The following CFLAR variants were observed in gnomAD, a reference collection of about 807,000 sequenced individuals.
CFLAR encodes the protein CASP8 and FADD like apoptosis regulator.
CFLAR carries 14 observed loss-of-function variants against 51.1 expected under a neutral mutation model. The observed-to-expected ratio is 0.27, with a 90% CI of 0.18 to 0.43. CFLAR has a LOEUF of 0.43. Among genes scored for constraint, CFLAR ranks in the 20% least tolerant of loss-of-function variants. CFLAR has a pLI of 1.00. For missense variants in CFLAR, 390 were observed against 566.5 expected (o/e 0.69, Z 3.16); for synonymous variants, 210 against 211.6 (o/e 0.99, Z 0.06).
chr2:201,153,310 C>T (rs1165923530), intron 8 of CFLAR: 1 of 152,274 alleles, frequency 6.6e-6, no homozygotes, highest in Non-Finnish European at 1.5e-5. Flanking sequence ...AATCCACTTA[C>T]ATGCAGACTC....
At position 201,129,806 on chromosome 2, in the gene CFLAR, G is replaced by A. The variant is rs1291457366; in HGVS notation, c.-60G>A. 4 of 1,514,188 alleles carry A rather than the reference G, an allele frequency of 2.6e-6. No homozygotes were observed. The African/African-American group carries it at 5.5e-5, about 21-fold the overall frequency. The allele number at this position is 1,514,188 out of a possible 1,614,324, so 93.8% of individuals were successfully genotyped here. A position where few individuals can be genotyped will look rare whatever the true frequency, so the allele number is the denominator to read the frequency against. On this transcript the variant is annotated 5_prime_UTR_variant, in exon 2 of 10. Coordinates refer to ENST00000309955, the MANE Select transcript of CFLAR (RefSeq NM_003879.7). ...GAAGTTGACTGCCTGCTGGCTTTCT[G>A]TTGACTGGCCCGGAGCTGTACTGCA...
intron 1 of CFLAR, among the ~76,000 whole-genome samples, chr2:201,127,737 T>C (rs996312569): frequency 2.0e-5 from 3 of 152,176 alleles, no homozygotes; most frequent in African/African-American, 4.8e-5. Context: ...TAGTTTCCTT[T>C]TGATATTTTC....
intron 9 of CFLAR, among the ~76,000 whole-genome samples, chr2:201,162,285 G>C (rs1265923466): frequency 6.6e-6 from 1 of 151,312 alleles, no homozygotes; most frequent in African/African-American, 2.4e-5. Context: ...TGTATTTTTA[G>C]TAGAGATGGG....
chr2:201,119,551 C>G, intron 1 of CFLAR, among the ~76,000 whole-genome samples: 1 of 151,028 alleles, frequency 6.6e-6, no homozygotes, highest in East Asian at 2.0e-4. Context: ...GTGAAAAGCA[C>G]TATCATTATT....
intron 2 of CFLAR, among the ~76,000 whole-genome samples, chr2:201,132,026 T>TTCCACCTA (rs1290226921): frequency 6.6e-6 from 1 of 152,172 alleles, no homozygotes; most frequent in Non-Finnish European, 1.5e-5. Flanking sequence ...TTTTTTAATC[T>TTCCACCTA]TCCACCTATT....
At chr2:201,122,435 T>C (rs1308498514) in intron 1 of CFLAR, 3 of 152,216 alleles carry the variant, frequency 2.0e-5, no homozygotes, top group African/African-American at 7.2e-5. Flanking sequence ...CATTGTATGT[T>C]ATGAAGGGAT....
In CFLAR at chr2:201,168,472, A is replaced by G. The variant is rs373867766; in HGVS notation, c.*4499A>G. On this transcript the variant is annotated 3_prime_UTR_variant, in exon 10 of 10. Coordinates refer to ENST00000309955, the MANE Select transcript of CFLAR (RefSeq NM_003879.7). Reference sequence around the variant, plus strand: ...AATAAACTAGGTATTGATGGAAAATATCTCAAAATAATAACCATTTATGAC... The same window carrying G: ...AATAAACTAGGTATTGATGGAAAATGTCTCAAAATAATAACCATTTATGAC... 24 of 152,268 alleles carry G rather than the reference A, an allele frequency of 1.6e-4. No individual in the cohort carries two copies. The highest frequency in any genetic ancestry group is 5.5e-4 in the African/African-American group (23 of 41,550). 9.4% of individuals were successfully genotyped at this position (152,268 alleles called of 1,614,324 possible). A position where few individuals can be genotyped will look rare whatever the true frequency, so the allele number is the denominator to read the frequency against.
At chr2:201,126,268 A>G (rs2048698646) in intron 1 of CFLAR, among the ~76,000 whole-genome samples, 1 of 152,220 alleles carries the variant, frequency 6.6e-6, no homozygotes, top group African/African-American at 2.4e-5. Context: ...GGTTACAGGA[A>G]AGTAAACAGT....
chr2:201,126,305 T>TA (rs2048702881), intron 1 of CFLAR, among the ~76,000 whole-genome samples: 1 of 152,166 alleles, frequency 6.6e-6, no homozygotes, highest in Non-Finnish European at 1.5e-5. Flanking sequence ...TTAAGACTAT[T>TA]ACAAGGTGAT....
chr2:201,142,458 A>G (rs962965728), intron 5 of CFLAR, among the ~76,000 whole-genome samples: 10 of 152,178 alleles, frequency 6.6e-5, no homozygotes, highest in Admixed American at 2.6e-4. Flanking sequence ...CTTAATGAAC[A>G]AAATAAGGAA....
At chr2:201,163,582 A>G in intron 9 of CFLAR, 2 of 1,272,340 alleles carry the variant, frequency 1.6e-6, no homozygotes, top group Non-Finnish European at 2.0e-6. Flanking sequence ...ATTTGCATAG[A>G]TGATCCACGT....
At chr2:201,155,015 T>G (rs1941918019) in intron 8 of CFLAR, among the ~76,000 whole-genome samples, 1 of 152,238 alleles carries the variant, frequency 6.6e-6, no homozygotes, top group Admixed American at 6.5e-5. Flanking sequence ...TGGGAACTAA[T>G]TATCTCAGTT....
chr2:201,155,229 A>T (rs1941954889), intron 8 of CFLAR, among the ~76,000 whole-genome samples: 1 of 152,136 alleles, frequency 6.6e-6, no homozygotes, highest in Admixed American at 6.6e-5. Flanking sequence ...GCCCTTGAAT[A>T]AAAATAAAAG....
At chr2:201,155,205 T>C (rs1941949312) in intron 8 of CFLAR, among the ~76,000 whole-genome samples, 1 of 152,166 alleles carries the variant, frequency 6.6e-6, no homozygotes, top group African/African-American at 2.4e-5. Flanking sequence ...CCTAAAGCTC[T>C]GGTTGTTTTT....
intron 2 of CFLAR, among the ~76,000 whole-genome samples, chr2:201,131,428 GT>G (rs990826839): frequency 2.0e-5 from 3 of 152,248 alleles, no homozygotes; most frequent in Admixed American, 6.5e-5. Flanking sequence ...TAGAAACAGG[GT>G]TTTGCCATGT....
chr2:201,135,490 A>G (rs2125708595), intron 3 of CFLAR, among the ~76,000 whole-genome samples: 1 of 152,248 alleles, frequency 6.6e-6, no homozygotes, highest in East Asian at 1.9e-4. Context: ...GTTCTGAGTA[A>G]AAATCAGGAG....
At chr2:201,161,147 A>T (rs150374929) in intron 9 of CFLAR, among the ~76,000 whole-genome samples, 2 of 152,328 alleles carry the variant, frequency 1.3e-5, no homozygotes, top group East Asian at 3.9e-4. Flanking sequence ...TGTAGTTTGA[A>T]TACTTTTCTT....
In CFLAR at chr2:201,168,893, G is replaced by C. The variant is rs778133568; in HGVS notation, c.*4920G>C. 2.6e-5 allele frequency: 4 copies of C among 151,972 alleles called. No homozygotes were observed. Among genetic ancestry groups the C allele is most frequent in the Admixed American group, 6.6e-5 (1 of 15,242 alleles). 9.4% of individuals were successfully genotyped at this position (151,972 alleles called of 1,614,324 possible). A position where few individuals can be genotyped will look rare whatever the true frequency, so the allele number is the denominator to read the frequency against. ...TGCTAGAAAGAGAATAAAATACCTA[G>C]GAATACAGCTAATAAGATGTGAAGG... On this transcript the variant is annotated 3_prime_UTR_variant, in exon 10 of 10. Transcript: ENST00000309955.
chr2:201,159,125 G>T (rs946934921), intron 8 of CFLAR, among the ~76,000 whole-genome samples: 1 of 151,844 alleles, frequency 6.6e-6, no homozygotes, highest in East Asian at 1.9e-4. Flanking sequence ...TGATCTGCCC[G>T]TCTCGGCCTC....
Sources: allele counts gnomAD v4.1 joint callset (sites outside exome capture counted in the v4.1 genomes callset), GRCh38; gene constraint gnomAD v4.1.1; transcripts MANE v1.5; gene names NCBI Gene and HGNC (gene_info 2026-07-23, HGNC 2026-07-21).